The following GRIK4 variants were observed in gnomAD, a reference collection of about 807,000 sequenced individuals.
GRIK4 encodes the protein glutamate receptor ionotropic, kainate 4.
Under a neutral mutation model 104.9 loss-of-function variants are expected in GRIK4, and 40 were observed. The observed-to-expected ratio is 0.38, with a 90% CI of 0.30 to 0.50. The LOEUF (loss-of-function observed/expected upper bound fraction) is 0.50. Among genes scored for constraint, GRIK4 ranks in the 20% least tolerant of loss-of-function variants. GRIK4 has a pLI of 0.93. For missense variants in GRIK4, 1,047 were observed against 1,308.1 expected, an observed-to-expected ratio of 0.80 and a Z score of 3.08; for synonymous variants, 485 against 524.9, an observed-to-expected ratio of 0.92 and a Z score of 1.04.
intron 3 of GRIK4, among the ~76,000 whole-genome samples, chr11:120,766,883 G>C (rs1238269319): frequency 6.6e-6 from 1 of 151,684 alleles, no homozygotes; most frequent in Non-Finnish European, 1.5e-5. Context: ...CTGCAGACTG[G>C]AGCTGTTCAT....
At position 120,903,000 on chromosome 11, in the gene GRIK4, C is replaced by T. The variant is rs761334216; in HGVS notation, c.1273-2290C>T. ...TGCCTTCTGGCTGCCCACTTCATCA[C>T]GCCCACATCCTGCTCTCCCTCACAG... On this transcript the variant is annotated intron_variant, in intron 12 of 20. Transcript: ENST00000527524. This position sits in a 1 kb window ranked among gnomAD's most constrained non-coding sequence, Gnocchi z 4.5. Among the ~76,000 whole-genome samples, 13 of 152,280 alleles carry T rather than the reference C, an allele frequency of 8.5e-5. No individual in the cohort carries two copies. The highest frequency in any genetic ancestry group is 1.3e-4 in the Non-Finnish European group (9 of 68,038).
At chr11:120,736,061 T>A (rs1951216071) in intron 3 of GRIK4, among the ~76,000 whole-genome samples, 1 of 151,820 alleles carries the variant, frequency 6.6e-6, no homozygotes, top group Non-Finnish European at 1.5e-5. Context: ...AGCCAGTACA[T>A]CTTAGAGTCT....
rs761851204 is a variant in GRIK4, at chr11:120,660,410, G to A, written c.82+10G>A. The A allele has an allele frequency of 5.0e-6, 8 of 1,603,292 alleles. No homozygotes were observed. In the East Asian group the frequency reaches 1.1e-4, roughly 22 times the overall value. ...CACTCCTTGAGGATCGGTAAGTGTG[G>A]CCCAGCTTGGGGCAGTGCCCCCACC... On this transcript the variant is annotated intron_variant, in intron 3 of 20. Coordinates refer to ENST00000527524, the MANE Select transcript of GRIK4 (RefSeq NM_014619.5).
chr11:120,871,974 A>G (rs1261795800), intron 9 of GRIK4: 1 of 452,180 alleles, frequency 2.2e-6, no homozygotes, highest in African/African-American at 2.0e-5. Context: ...TCCTGGCCCA[A>G]CATGTAGCAA....
chr11:120,858,436 C>T (rs2135622246), intron 8 of GRIK4: 1 of 152,236 alleles, frequency 6.6e-6, no homozygotes, highest in East Asian at 1.9e-4. Flanking sequence ...CACGCCACTG[C>T]CAGGCACTCA....
intron 3 of GRIK4, among the ~76,000 whole-genome samples, chr11:120,768,813 T>G (rs1003058912): frequency 1.2e-4 from 18 of 152,352 alleles, no homozygotes; most frequent in African/African-American, 4.3e-4. Flanking sequence ...GGCTTTTATC[T>G]TTCATTCTAT....
chr11:120,924,312 C>A (rs75733356), intron 13 of GRIK4, among the ~76,000 whole-genome samples: 1,759 of 152,222 alleles, frequency 0.012, 42 homozygotes, highest in African/African-American at 0.039. Context: ...CAGTCGGTAC[C>A]GTGGCAGCAG....
chr11:120,899,139 A>C (rs970805368), intron 12 of GRIK4, among the ~76,000 whole-genome samples: 1 of 152,198 alleles, frequency 6.6e-6, no homozygotes, highest in African/African-American at 2.4e-5. Context: ...GCAAGAGGCC[A>C]GGTGCAGTGG....
Position 120,967,840 on chromosome 11 carries a change from C to T in GRIK4, c.2395+517C>T, listed in dbSNP as rs978115879. ...GCCTTCCTCTCTTCTCTGTGGTCCC[C>T]AAGCCTCCCATGTGGCTCTTCCACC... On this transcript the variant is annotated intron_variant, in intron 19 of 20. Transcript: ENST00000527524. This position sits in a 1 kb window ranked among gnomAD's most constrained non-coding sequence, Gnocchi z 4.2. Among the ~76,000 whole-genome samples, 1 of 152,042 alleles carries T rather than the reference C, an allele frequency of 6.6e-6. No individual in the cohort carries two copies. Among genetic ancestry groups the T allele is most frequent in the Non-Finnish European group, 1.5e-5 (1 of 67,986 alleles).
Position 120,956,880 on chromosome 11 carries a change from G to T in GRIK4, c.1801G>T (p.Val601Phe). ...CCTGGGCAACAGCCTCTGGTTTCCG[G>T]TCGGGGGGTTCATGCAGCAAGGCTC... is the stretch of plus-strand genomic sequence containing the variant. ...YSLGNSLWFP[V>F]GGFMQQGSTI... The change falls in exon 16 of 21, where the codon GTC becomes TTC. Residue 601 changes from valine (V) to phenylalanine (F), a missense_variant. Coordinates refer to ENST00000527524, the MANE Select transcript of GRIK4 (RefSeq NM_014619.5). The surrounding 1 kb of genome is among the most constrained non-coding windows in gnomAD (Gnocchi z 4.6). 2 of 1,614,026 alleles carry T rather than the reference G, an allele frequency of 1.2e-6. No homozygotes were observed. The highest frequency in any genetic ancestry group is 1.7e-6 in the Non-Finnish European group (2 of 1,179,984).
chr11:120,606,938 G>C (rs963436147), intron 1 of GRIK4, among the ~76,000 whole-genome samples: 3 of 152,186 alleles, frequency 2.0e-5, no homozygotes, highest in Admixed American at 2.0e-4. Context: ...GGAGGGTTCC[G>C]GAGGGGCCTG....
intron 3 of GRIK4, among the ~76,000 whole-genome samples, chr11:120,689,224 T>G (rs1950319213): frequency 6.6e-6 from 1 of 152,056 alleles, no homozygotes; most frequent in African/African-American, 2.4e-5. Context: ...GAAGTTTCCA[T>G]TGCCTCTGCC....
chr11:120,878,677 C>T (rs949810337), intron 11 of GRIK4, among the ~76,000 whole-genome samples: 1 of 142,190 alleles, frequency 7.0e-6, no homozygotes, highest in Non-Finnish European at 1.5e-5. Context: ...GGTTTAGGTG[C>T]TGTGAGTACC....
chr11:120,639,362 A>G (rs1949441388), intron 1 of GRIK4, among the ~76,000 whole-genome samples: 1 of 152,224 alleles, frequency 6.6e-6, no homozygotes, highest in South Asian at 2.1e-4. Context: ...TGAGCTCTGG[A>G]TGGGAGAATC....
intron 2 of GRIK4, among the ~76,000 whole-genome samples, chr11:120,657,333 T>C (rs931583240): frequency 8.5e-5 from 13 of 152,190 alleles, no homozygotes; most frequent in Admixed American, 4.6e-4. Context: ...TAAGACTGTG[T>C]TTGCTTTAAT....
chr11:120,925,321 C>T (rs1165313166), intron 13 of GRIK4, among the ~76,000 whole-genome samples: 2 of 152,156 alleles, frequency 1.3e-5, no homozygotes, highest in Admixed American at 6.5e-5. Flanking sequence ...GTGGCACTGT[C>T]GGGCTCCTAC....
chr11:120,534,371 C>G (rs1007164973), intron 1 of GRIK4, among the ~76,000 whole-genome samples: 4 of 152,050 alleles, frequency 2.6e-5, no homozygotes, highest in Admixed American at 1.3e-4. Context: ...ACACCCAGAG[C>G]CCAGGATAGA....
intron 8 of GRIK4, among the ~76,000 whole-genome samples, chr11:120,848,720 G>A (rs1193935375): frequency 6.6e-6 from 1 of 152,166 alleles, no homozygotes; most frequent in African/African-American, 2.4e-5. Flanking sequence ...GCCAGACACT[G>A]TACCCTGGGG....
chr11:120,635,563 A>G (rs1949387309), intron 1 of GRIK4, among the ~76,000 whole-genome samples: 1 of 152,216 alleles, frequency 6.6e-6, no homozygotes, highest in Non-Finnish European at 1.5e-5. Context: ...AGGGAGGGGT[A>G]GTACTGTTGA....
Sources: gnomAD v4.1 joint callset for allele counts (sites outside exome capture counted in the v4.1 genomes callset) on GRCh38, gnomAD v4.1.1 for gene constraint, Gnocchi (gnomAD v3.1) non-coding constraint, MANE v1.5 for transcripts, NCBI Gene and HGNC (gene_info 2026-07-23, HGNC 2026-07-21) for gene names.